Variants in RNF114 observed in about 807,000 individuals in gnomAD.
RNF114 encodes the protein ring finger protein 114, also known as E3 ubiquitin-protein ligase RNF114.
Under a neutral mutation model 28.4 loss-of-function variants are expected in RNF114, and 6 were observed. The ratio of observed to expected loss-of-function variants is 0.21; its 90% CI spans 0.12 to 0.42. The LOEUF is 0.42. RNF114 is among the 10% of genes least tolerant of loss of function. The pLI is 1.00. For missense variants in RNF114, 249 were observed against 311.7 expected, an observed-to-expected ratio of 0.80 and a Z score of 1.51; for synonymous variants, 115 against 116.7, an observed-to-expected ratio of 0.99 and a Z score of 0.09.
intron 2 of RNF114, 198 bp downstream of exon 2, chr20:49,941,909 G>C: frequency 5.7e-6 from 3 of 523,158 alleles, no homozygotes; most frequent in Non-Finnish European, 3.3e-6. Context: ...TTAAGAGTTG[G>C]TTAAGTATAT....
At chr20:49,945,587 G>A in intron 3 of RNF114, 99 bp downstream of exon 3, 1 of 692,366 alleles carries the variant, frequency 1.4e-6, no homozygotes, top group Non-Finnish European at 2.6e-6. Flanking sequence ...TGTTATGCTG[G>A]CTAAAGCTGA....
chr20:49,946,493 AGTGT>A (rs1162515741), intron 4 of RNF114, among the ~76,000 whole-genome samples: 1 of 152,192 alleles, frequency 6.6e-6, no homozygotes, highest in Non-Finnish European at 1.5e-5. Context: ...CTGATACAGG[AGTGT>A]GTATGTCTTA....
rs1468176478 is a variant in RNF114 at position 49,937,529 on chromosome 20, C to T, written c.140+977C>T. ...AGGTGAATACACTGAGGGTCCGAGG[C>T]TCTCTTAGGGAAGGGTCACCGTGGC... On this transcript the variant is annotated intron_variant, in intron 1 of 5. Transcript: ENST00000244061. 2.0e-5 allele frequency among the ~76,000 whole-genome samples: 3 copies of T among 152,296 alleles called. No homozygotes were observed. The East Asian group carries it at 5.8e-4, about 29-fold the overall frequency.
In RNF114 at chr20:49,952,286, A is replaced by G; in HGVS notation, c.*145A>G. On this transcript the variant is annotated 3_prime_UTR_variant, in exon 6 of 6. Coordinates refer to ENST00000244061, the MANE Select transcript of RNF114 (RefSeq NM_018683.4). ...GGACAGGGTCACTTCTGACAGGGGA[A>G]GTGGGTCCCCAGGTCAGCCCTTCTC... is the stretch of plus-strand genomic sequence containing the variant. 2.8e-6 allele frequency: 2 copies of G among 724,710 alleles called. No individual in the cohort carries two copies. Among genetic ancestry groups the G allele is most frequent in the Admixed American group, 4.1e-5 (2 of 49,374 alleles). 44.9% of individuals were successfully genotyped at this position (724,710 alleles called of 1,614,324 possible).
At chr20:49,949,164 A>T in intron 4 of RNF114, 84 bp from the exon 5 acceptor site, 2 of 1,086,470 alleles carry the variant, frequency 1.8e-6, no homozygotes, top group South Asian at 2.5e-5. Context: ...GCTGTCCTGG[A>T]AGAAAGGAGG....
At position 49,952,065 on chromosome 20, in the gene RNF114, T is replaced by C; in HGVS notation, c.622-11T>C. On this transcript the variant is annotated splice_polypyrimidine_tract_variant and intron_variant, in intron 5 of 5. Transcript: ENST00000244061. ...CAGTTGCTGAGGCTGCATGTCTCTT[T>C]TTGCCCTTAGGATTATGATGTTGAT... is the stretch of plus-strand genomic sequence containing the variant. 2 of 1,611,324 alleles carry C rather than the reference T, an allele frequency of 1.2e-6. No individual in the cohort carries two copies. Among genetic ancestry groups the C allele is most frequent in the Non-Finnish European group, 1.7e-6 (2 of 1,177,600 alleles).
chr20:49,943,281 C>A (rs1386343993), intron 2 of RNF114, among the ~76,000 whole-genome samples: 1 of 152,058 alleles, frequency 6.6e-6, no homozygotes, highest in Non-Finnish European at 1.5e-5. Flanking sequence ...GGATCACTGA[C>A]CCCAGGAGTT....
intron 2 of RNF114, 81 bp from the exon 3 acceptor site, chr20:49,945,297 TTTTC>T: frequency 1.3e-6 from 1 of 775,486 alleles, no homozygotes. Flanking sequence ...GTAGGTCTAG[TTTTC>T]TTTGTGCCCT....
chr20:49,948,990 C>T (rs2090345605), intron 4 of RNF114, among the ~76,000 whole-genome samples: 1 of 152,202 alleles, frequency 6.6e-6, no homozygotes, highest in African/African-American at 2.4e-5. Flanking sequence ...ACCAGGCTGA[C>T]TCACTTCTCT....
chr20:49,950,571 C>T (rs2146860468), intron 5 of RNF114, among the ~76,000 whole-genome samples: 1 of 150,978 alleles, frequency 6.6e-6, no homozygotes, highest in African/African-American at 2.4e-5. Flanking sequence ...GTCCTAGCTA[C>T]TTTGAGGGAG....
chr20:49,948,085 C>T (rs537723311), intron 4 of RNF114, among the ~76,000 whole-genome samples: 50 of 151,842 alleles, frequency 3.3e-4, no homozygotes, highest in Non-Finnish European at 6.8e-4. Flanking sequence ...CCACCGCGCC[C>T]GGCCCTCTGC....
At position 49,952,337 on chromosome 20, in the gene RNF114, G is replaced by T; in HGVS notation, c.*196G>T. On this transcript the variant is annotated 3_prime_UTR_variant, in exon 6 of 6. Transcript: ENST00000244061. ...TTCCCTTTGGGCTCTTGCCAAAGCT[G>T]TCTTCCCCTACTGTTAACCTTGTTT... 1.7e-6 allele frequency: 1 copy of T among 587,336 alleles called. No homozygotes were observed. The highest frequency in any genetic ancestry group is 3.1e-6 in the Non-Finnish European group (1 of 322,836). The allele number at this position is 587,336 out of a possible 1,614,324, so 36.4% of individuals were successfully genotyped here.
chr20:49,941,341 A>G (rs904893829), intron 1 of RNF114: 2 of 485,902 alleles, frequency 4.1e-6, no homozygotes, highest in Non-Finnish European at 7.2e-6. Flanking sequence ...CACTGTGTCT[A>G]TCACAGGAGT....
Position 49,936,445 on chromosome 20 carries a change from T to C in RNF114, c.33T>C (p.Ala11=). 1 of 1,546,832 alleles carries C rather than the reference T, an allele frequency of 6.5e-7. No homozygotes were observed. Among genetic ancestry groups the C allele is most frequent in the Non-Finnish European group, 8.7e-7 (1 of 1,147,402 alleles). MAAQQRDCGG[A]AQLAGPAAEA... ...CGCAACAGCGGGACTGCGGGGGTGC[T>C]GCGCAGCTGGCGGGGCCGGCGGCGG... Residue 11 remains alanine, a synonymous_variant, in exon 1 of 6, where the codon GCT becomes GCC. Coordinates refer to ENST00000244061, the MANE Select transcript of RNF114 (RefSeq NM_018683.4).
At chr20:49,949,154 G>T in intron 4 of RNF114, 94 bp from the exon 5 acceptor site, 1 of 965,160 alleles carries the variant, frequency 1.0e-6, no homozygotes, top group Non-Finnish European at 1.7e-6. Flanking sequence ...TGTCAGGAAA[G>T]CTGTCCTGGA....
intron 3 of RNF114, among the ~76,000 whole-genome samples, chr20:49,945,881 G>T (rs923166414): frequency 6.6e-6 from 1 of 152,168 alleles, no homozygotes; most frequent in African/African-American, 2.4e-5. Context: ...GGTCAGGCTG[G>T]TCTTGAACTC....
At chr20:49,951,946 A>G (rs998935673) in intron 5 of RNF114, 130 bp from the exon 6 acceptor site, 2 of 692,810 alleles carry the variant, frequency 2.9e-6, no homozygotes, top group South Asian at 3.3e-5. Context: ...CATCACAAAC[A>G]GTTGCACTGG....
rs536580960 is a variant in RNF114, at chr20:49,941,903, G to GTTAT, written c.291+192_291+193insTTAT. 2,522 of 534,788 alleles carry GTTAT rather than the reference G, an allele frequency of 4.7e-3. 10 individuals carry two copies. The highest frequency in any genetic ancestry group is 5.6e-3 in the Non-Finnish European group (1,750 of 312,734). 33.1% of individuals were successfully genotyped at this position (534,788 alleles called of 1,614,324 possible). A position where few individuals can be genotyped will look rare whatever the true frequency, so the allele number is the denominator to read the frequency against. On this transcript the variant is annotated intron_variant, in intron 2 of 5. Coordinates refer to ENST00000244061, the MANE Select transcript of RNF114 (RefSeq NM_018683.4). ...TACTGGTTTTTGTTTCTTTTTTTAAGAGTTGGTTAAGTATATATTTTAGGT... is the reference window on the plus strand; with the variant it reads ...TACTGGTTTTTGTTTCTTTTTTTAAGTTATAGTTGGTTAAGTATATATTTTAGGT...
At chr20:49,948,012 G>A (rs539439547) in intron 4 of RNF114, among the ~76,000 whole-genome samples, 22 of 151,606 alleles carry the variant, frequency 1.5e-4, no homozygotes, top group African/African-American at 5.1e-4. Flanking sequence ...GGATGGTCTC[G>A]ATCTCCTGAC....
Sources: allele counts gnomAD v4.1 joint callset (sites outside exome capture counted in the v4.1 genomes callset), GRCh38; gene constraint gnomAD v4.1.1; transcripts MANE v1.5; gene names NCBI Gene and HGNC (gene_info 2026-07-23, HGNC 2026-07-21).